The following MEI4 variants were observed in gnomAD, a reference collection of about 807,000 sequenced individuals.
MEI4 encodes the protein meiotic double-stranded break formation protein 4, also known as meiosis-specific protein MEI4.
A neutral mutation model predicts 31.4 loss-of-function variants in MEI4; 27 were observed. The ratio of observed to expected loss-of-function variants is 0.86; its 90% CI spans 0.63 to 1.19. MEI4 has a LOEUF of 1.19. Ranked by LOEUF, MEI4 falls within the 50% of genes most tolerant of loss-of-function variation. MEI4 has a pLI of 0.00. For missense variants in MEI4, 329 were observed against 398.9 expected, an observed-to-expected ratio of 0.82 and a Z score of 1.49; for synonymous variants, 122 against 145.4, an observed-to-expected ratio of 0.84 and a Z score of 1.16.
At chr6:77,848,733 A>C (rs1005925793) in intron 4 of MEI4, among the ~76,000 whole-genome samples, 4 of 152,220 alleles carry the variant, frequency 2.6e-5, no homozygotes, top group African/African-American at 9.6e-5. Context: ...TCAAGGAGAC[A>C]AAAGGTAGTC....
At chr6:77,825,450 T>C (rs758140593) in intron 3 of MEI4, among the ~76,000 whole-genome samples, 99 of 152,156 alleles carry the variant, frequency 6.5e-4, no homozygotes, top group Non-Finnish European at 5.4e-4. Flanking sequence ...AACAAGTCAT[T>C]TCCCAAGTCA....
intron 1 of MEI4, among the ~76,000 whole-genome samples, chr6:77,679,141 G>A (rs1768903941): frequency 6.6e-6 from 1 of 152,066 alleles, no homozygotes; most frequent in Non-Finnish European, 1.5e-5. Context: ...ATTTATCATT[G>A]AAGAAAGAAA....
rs546235702 is a variant in MEI4 at position 77,735,726 on chromosome 6, T to C, written c.233-25404T>C. 1.3e-3 allele frequency among the ~76,000 whole-genome samples: 204 copies of C among 152,184 alleles called. 3 individuals are homozygous for C. The highest frequency in any genetic ancestry group is 4.2e-3 in the African/African-American group (176 of 41,420). On this transcript the variant is annotated intron_variant, in intron 2 of 4. Transcript: ENST00000684080. Reference sequence around the variant, plus strand: ...AGAGGTGCTCTGATTTTTAGAGTTTTCAGTTTTTCTGCTTTGTTTTTTCCC... The same window carrying C: ...AGAGGTGCTCTGATTTTTAGAGTTTCCAGTTTTTCTGCTTTGTTTTTTCCC...
intron 4 of MEI4, among the ~76,000 whole-genome samples, chr6:77,897,265 G>A (rs1450161662): frequency 1.3e-5 from 2 of 151,926 alleles, no homozygotes; most frequent in African/African-American, 4.8e-5. Flanking sequence ...CAACCAACAA[G>A]GGCCTCTGCC....
At chr6:77,693,103 TATC>T (rs1292990510) in intron 2 of MEI4, among the ~76,000 whole-genome samples, 5 of 152,010 alleles carry the variant, frequency 3.3e-5, no homozygotes, top group African/African-American at 9.7e-5. Flanking sequence ...TTTTGGGAAT[TATC>T]ATGAAAACCC....
At chr6:77,650,777 T>C (rs981013000), upstream of MEI4, among the ~76,000 whole-genome samples, 5 of 152,352 alleles carry the variant, frequency 3.3e-5, no homozygotes, top group South Asian at 2.1e-4. Flanking sequence ...GTGTCTGCTG[T>C]GGAGCTGCTG....
At chr6:77,687,056 T>C (rs1000619645) in intron 1 of MEI4, among the ~76,000 whole-genome samples, 1 of 151,944 alleles carries the variant, frequency 6.6e-6, no homozygotes, top group African/African-American at 2.4e-5. Context: ...CAAAATAATG[T>C]GTGGAGTAGC....
Position 77,763,209 on chromosome 6 carries a change from T to C in MEI4, c.768+1544T>C, listed in dbSNP as rs187528435. Among the ~76,000 whole-genome samples, 213 of 152,124 alleles carry C rather than the reference T, an allele frequency of 1.4e-3. 1 individual carries two copies. The highest frequency in any genetic ancestry group is 4.5e-3 in the African/African-American group (187 of 41,520). ...GAATGAAAGTCCTCTTTTCTCTTTC[T>C]TCCACCTTCCTCAAGCAGATGGACC... is the stretch of plus-strand genomic sequence containing the variant. On this transcript the variant is annotated intron_variant, in intron 3 of 4. Transcript: ENST00000684080.
At chr6:77,744,790 C>G (rs1206370861) in intron 2 of MEI4, among the ~76,000 whole-genome samples, 2 of 152,150 alleles carry the variant, frequency 1.3e-5, no homozygotes, top group African/African-American at 2.4e-5. Flanking sequence ...ACCCTAGAAG[C>G]CAGAAGAGAG....
intron 4 of MEI4, among the ~76,000 whole-genome samples, chr6:77,921,186 T>C (rs2127742793): frequency 6.6e-6 from 1 of 151,980 alleles, no homozygotes; most frequent in Non-Finnish European, 1.5e-5. Flanking sequence ...TTATCTTACC[T>C]ATAACTTCTT....
intron 3 of MEI4, among the ~76,000 whole-genome samples, chr6:77,788,282 C>T (rs1359509897): frequency 6.6e-6 from 1 of 152,006 alleles, no homozygotes; most frequent in Non-Finnish European, 1.5e-5. Context: ...TATGAGAAGC[C>T]CACAGCCAAT....
chr6:77,749,121 G>A (rs934483836), intron 2 of MEI4, among the ~76,000 whole-genome samples: 9 of 152,102 alleles, frequency 5.9e-5, no homozygotes, highest in African/African-American at 2.2e-4. Context: ...GAAGGTCAGT[G>A]ACTTCAAAGA....
chr6:77,743,982 T>C (rs373586863), intron 2 of MEI4, among the ~76,000 whole-genome samples: 1 of 152,030 alleles, frequency 6.6e-6, no homozygotes, highest in Middle Eastern at 3.4e-3. Context: ...TCACCATCAT[T>C]AAAGACCAAA....
chr6:77,886,947 C>T (rs553116203), intron 4 of MEI4, among the ~76,000 whole-genome samples: 62 of 151,948 alleles, frequency 4.1e-4, no homozygotes, highest in African/African-American at 1.5e-3. Context: ...TTTTAGTCTC[C>T]ATTTCATTTA....
chr6:77,843,448 A>G (rs1299059584), intron 4 of MEI4, among the ~76,000 whole-genome samples: 1 of 151,908 alleles, frequency 6.6e-6, no homozygotes, highest in Non-Finnish European at 1.5e-5. Context: ...ATTTTAAATT[A>G]CTCTTTCACA....
intron 4 of MEI4, among the ~76,000 whole-genome samples, chr6:77,832,469 A>G (rs1334730506): frequency 1.3e-5 from 2 of 152,072 alleles, no homozygotes; most frequent in Non-Finnish European, 2.9e-5. Flanking sequence ...AATTATTATC[A>G]TAAATATTTA....
chr6:77,844,251 C>T (rs1438948340), intron 4 of MEI4, among the ~76,000 whole-genome samples: 1 of 152,056 alleles, frequency 6.6e-6, no homozygotes, highest in Non-Finnish European at 1.5e-5. Flanking sequence ...CAGTTTTATG[C>T]CTCATGGTAT....
chr6:77,795,989 A>G (rs775272126), intron 3 of MEI4, among the ~76,000 whole-genome samples: 13 of 152,216 alleles, frequency 8.5e-5, no homozygotes, highest in Non-Finnish European at 1.9e-4. Context: ...TGATACATAT[A>G]TGCAAAATGC....
At chr6:77,715,679 C>A (rs1766563755) in intron 2 of MEI4, among the ~76,000 whole-genome samples, 1 of 152,100 alleles carries the variant, frequency 6.6e-6, no homozygotes. Flanking sequence ...GCTTTACTGG[C>A]AGATAGACTA....
Sources: gnomAD v4.1 joint callset for allele counts (sites outside exome capture counted in the v4.1 genomes callset) on GRCh38, gnomAD v4.1.1 for gene constraint, MANE v1.5 for transcripts, NCBI Gene and HGNC (gene_info 2026-07-23, HGNC 2026-07-21) for gene names.